The following ZCWPW2 variants were observed in gnomAD, a reference collection of about 807,000 sequenced individuals.
The protein encoded by ZCWPW2 is zinc finger CW-type PWWP domain protein 2.
Under a neutral mutation model 46.6 loss-of-function variants are expected in ZCWPW2, and 45 were observed. The observed-to-expected ratio is 0.96, with a 90% CI of 0.76 to 1.24. The LOEUF (loss-of-function observed/expected upper bound fraction) is 1.24. Among genes scored for constraint, ZCWPW2 ranks in the 50% most tolerant of loss-of-function variants. The probability of loss-of-function intolerance (pLI) is 0.00; values close to 1 mark genes in which losing one functional copy is unlikely to be tolerated. For missense variants in ZCWPW2, 429 were observed against 403.9 expected (o/e 1.06, Z -0.53); for synonymous variants, 152 against 137.1 (o/e 1.11, Z -0.76).
chr3:28,483,782 TG>T (rs1699507008), intron 5 of ZCWPW2, among the ~76,000 whole-genome samples: 1 of 152,180 alleles, frequency 6.6e-6, no homozygotes, highest in South Asian at 2.1e-4. Flanking sequence ...AAATTCTACT[TG>T]TTTGGTACTA....
Position 28,366,811 on chromosome 3 carries a change from C to G in ZCWPW2, c.-134+17608C>G, listed in dbSNP as rs1271832935. 4.6e-5 allele frequency among the ~76,000 whole-genome samples: 7 copies of G among 152,310 alleles called. No homozygotes were observed. The South Asian group carries it at 1.4e-3, about 32-fold the overall frequency. ...GTTGGTAAGCTATTAATTATTGCCT[C>G]AATTTCAGAGCCTGTTATTGGTCTA... is the stretch of plus-strand genomic sequence containing the variant. On this transcript the variant is annotated intron_variant, in intron 1 of 9. Transcript: ENST00000383768.
intron 6 of ZCWPW2, among the ~76,000 whole-genome samples, chr3:28,498,807 A>AC (rs1176991204): frequency 6.6e-6 from 1 of 151,468 alleles, no homozygotes; most frequent in Non-Finnish European, 1.5e-5. Flanking sequence ...CTAGCCAGCC[A>AC]CCCCCCAACA....
chr3:28,378,276 A>G (rs1480860854), intron 1 of ZCWPW2, among the ~76,000 whole-genome samples: 1 of 152,054 alleles, frequency 6.6e-6, no homozygotes, highest in East Asian at 1.9e-4. Context: ...TGTAGTTTAA[A>G]GATTAGAAGA....
At chr3:28,398,219 G>T (rs1322720377) in intron 2 of ZCWPW2, 1 of 152,082 alleles carries the variant, frequency 6.6e-6, no homozygotes, top group Admixed American at 6.6e-5. Flanking sequence ...ATCCTCACAT[G>T]GTGAAGAGTC....
chr3:28,495,627 G>A (rs1190729392), intron 6 of ZCWPW2, among the ~76,000 whole-genome samples: 1 of 151,778 alleles, frequency 6.6e-6, no homozygotes, highest in African/African-American at 2.4e-5. Context: ...TTTTTTGTCT[G>A]TTGAATCTGA....
At chr3:28,422,321 T>C (rs1303760051) in intron 3 of ZCWPW2, among the ~76,000 whole-genome samples, 1 of 152,176 alleles carries the variant, frequency 6.6e-6, no homozygotes, top group East Asian at 1.9e-4. Flanking sequence ...TCCACCATTA[T>C]AGTATATACA....
intron 1 of ZCWPW2, among the ~76,000 whole-genome samples, chr3:28,368,846 C>G (rs1208042498): frequency 2.6e-5 from 4 of 152,136 alleles, no homozygotes; most frequent in Non-Finnish European, 4.4e-5. Context: ...TTCTTGGAGG[C>G]TTTGTTCATT....
At chr3:28,447,073 T>C (rs1244162544) in intron 4 of ZCWPW2, among the ~76,000 whole-genome samples, 1 of 152,116 alleles carries the variant, frequency 6.6e-6, no homozygotes, top group Non-Finnish European at 1.5e-5. Flanking sequence ...CACTTTGAAG[T>C]CTACCAAACA....
intron 4 of ZCWPW2, among the ~76,000 whole-genome samples, chr3:28,442,508 A>C (rs1002046321): frequency 1.3e-5 from 2 of 152,330 alleles, no homozygotes; most frequent in South Asian, 2.1e-4. Flanking sequence ...CTCTTGAATA[A>C]GATTATGACA....
chr3:28,453,428 C>CTT (rs1312388239), intron 4 of ZCWPW2, among the ~76,000 whole-genome samples: 1 of 152,122 alleles, frequency 6.6e-6, no homozygotes, highest in African/African-American at 2.4e-5. Flanking sequence ...AGGTGGCTAC[C>CTT]TTTTCCATCA....
At chr3:28,437,307 CTAAAT>C (rs1697541298) in intron 4 of ZCWPW2, among the ~76,000 whole-genome samples, 1 of 152,130 alleles carries the variant, frequency 6.6e-6, no homozygotes, top group African/African-American at 2.4e-5. Context: ...TCATTTTCCT[CTAAAT>C]TAATTCTTCT....
intron 5 of ZCWPW2, among the ~76,000 whole-genome samples, chr3:28,489,066 CA>C (rs1699708590): frequency 6.6e-6 from 1 of 152,062 alleles, no homozygotes; most frequent in Non-Finnish European, 1.5e-5. Flanking sequence ...CTTTTGAACA[CA>C]AAAAGCTCCT....
chr3:28,413,015 T>G (rs1696464033), intron 2 of ZCWPW2, 41 bp from the exon 3 acceptor site: 2 of 1,508,440 alleles, frequency 1.3e-6, no homozygotes, highest in South Asian at 1.3e-5. Context: ...CTTATACTCT[T>G]GAATCCTCAT....
chr3:28,407,968 G>A (rs1696231322), intron 2 of ZCWPW2, among the ~76,000 whole-genome samples: 1 of 152,140 alleles, frequency 6.6e-6, no homozygotes, highest in South Asian at 2.1e-4. Context: ...CCAGCAAAGT[G>A]TTGGAGAAAA....
chr3:28,469,714 ATATATATATGATATATATATG>A (rs1698966935), intron 4 of ZCWPW2, among the ~76,000 whole-genome samples: 2 of 151,352 alleles, frequency 1.3e-5, no homozygotes, highest in Admixed American at 1.3e-4. Context: ...ATATGTGTGT[ATATATATATGATATATATATG>A]TATATATATA....
chr3:28,512,147 G>C (rs1700443843), intron 6 of ZCWPW2, among the ~76,000 whole-genome samples: 1 of 151,640 alleles, frequency 6.6e-6, no homozygotes, highest in Non-Finnish European at 1.5e-5. Flanking sequence ...TTGGCACCAT[G>C]GGCTTTTACA....
At chr3:28,395,431 C>G (rs1184395139) in intron 2 of ZCWPW2, among the ~76,000 whole-genome samples, 3 of 152,128 alleles carry the variant, frequency 2.0e-5, no homozygotes. Context: ...GAACTGAAAA[C>G]AGGACCTGGA....
intron 5 of ZCWPW2, among the ~76,000 whole-genome samples, chr3:28,482,706 G>A (rs916853534): frequency 5.9e-5 from 9 of 152,306 alleles, no homozygotes; most frequent in African/African-American, 2.2e-4. Context: ...TAGGTGTGTA[G>A]TGGCACCTCA....
chr3:28,422,256 G>T (rs1485400540), intron 3 of ZCWPW2, among the ~76,000 whole-genome samples: 1 of 152,004 alleles, frequency 6.6e-6, no homozygotes, highest in Non-Finnish European at 1.5e-5. Context: ...CTTTGTGAAT[G>T]AATATTCACA....
Sources: gnomAD v4.1 joint callset for allele counts (sites outside exome capture counted in the v4.1 genomes callset) on GRCh38, gnomAD v4.1.1 for gene constraint, MANE v1.5 for transcripts, NCBI Gene and HGNC (gene_info 2026-07-23, HGNC 2026-07-21) for gene names.